TLE4: variants seen among roughly 807,000 people sequenced by gnomAD.
TLE4 encodes the protein transducin-like enhancer protein 4.
In TLE4, 8 loss-of-function variants were observed where a neutral mutation model predicts 92.8. That is an observed-to-expected ratio of 0.09 (90% CI 0.05 to 0.16). TLE4 has a LOEUF of 0.16. TLE4 is among the 10% of genes least tolerant of loss of function. TLE4 has a pLI of 1.00. For synonymous variants in TLE4, 371 were observed against 374.1 expected (o/e 0.99, Z 0.10); for missense variants, 675 against 997.6 (o/e 0.68, Z 4.36).
intron 11 of TLE4, chr9:79,707,368 A>G (rs978504374): frequency 1.5e-6 from 1 of 683,112 alleles, no homozygotes; most frequent in Non-Finnish European, 2.5e-6. Context: ...CAAATCACAA[A>G]TGCAAAAATG....
intron 8 of TLE4, among the ~76,000 whole-genome samples, chr9:79,657,866 CTAT>C (rs1276463514): frequency 6.6e-6 from 1 of 152,194 alleles, no homozygotes; most frequent in African/African-American, 2.4e-5. Flanking sequence ...AACCAAGTTG[CTAT>C]TATTGTGCAT....
intron 7 of TLE4, among the ~76,000 whole-genome samples, chr9:79,653,530 C>A (rs961659409): frequency 2.0e-5 from 3 of 152,110 alleles, no homozygotes; most frequent in African/African-American, 7.2e-5. Flanking sequence ...TAGTTGATGA[C>A]AGAAATGCAG....
At chr9:79,648,482 T>A (rs2134097684) in intron 6 of TLE4, among the ~76,000 whole-genome samples, 1 of 152,276 alleles carries the variant, frequency 6.6e-6, no homozygotes, top group East Asian at 1.9e-4. Flanking sequence ...AAACATAAGC[T>A]GAGCTGAGAT....
intron 6 of TLE4, among the ~76,000 whole-genome samples, chr9:79,649,022 T>C (rs973247376): frequency 3.3e-5 from 5 of 152,150 alleles, no homozygotes; most frequent in Non-Finnish European, 5.9e-5. Flanking sequence ...GATTTCAGTG[T>C]TCTTGAAGCA....
chr9:79,672,632 G>C (rs915096845), intron 8 of TLE4, among the ~76,000 whole-genome samples: 2 of 152,104 alleles, frequency 1.3e-5, no homozygotes, highest in African/African-American at 2.4e-5. Context: ...AAGCCTTTGT[G>C]GGGTCAGCTG....
At chr9:79,695,702 A>G (rs143549231) in intron 8 of TLE4, among the ~76,000 whole-genome samples, 103 of 152,318 alleles carry the variant, frequency 6.8e-4, no homozygotes, top group African/African-American at 2.4e-3. Context: ...CACACAAGGG[A>G]GTGTGTTAGA....
chr9:79,614,585 G>A (rs2049071617), intron 5 of TLE4, among the ~76,000 whole-genome samples: 1 of 152,136 alleles, frequency 6.6e-6, no homozygotes, highest in Non-Finnish European at 1.5e-5. Flanking sequence ...AGTCTGGGAA[G>A]AAAGGTGTCA....
intron 6 of TLE4, among the ~76,000 whole-genome samples, chr9:79,651,424 T>C (rs1587829167): frequency 6.6e-6 from 1 of 152,114 alleles, no homozygotes; most frequent in South Asian, 2.1e-4. Flanking sequence ...GCACACCCAT[T>C]CCAGCCTCTT....
At chr9:79,693,740 C>T (rs1309588236) in intron 8 of TLE4, 2 of 474,812 alleles carry the variant, frequency 4.2e-6, no homozygotes, top group Non-Finnish European at 8.3e-6. Context: ...TTAAAAAGTG[C>T]ATCATGTCCT....
intron 4 of TLE4, among the ~76,000 whole-genome samples, chr9:79,577,883 C>T (rs2038396404): frequency 1.3e-5 from 2 of 152,124 alleles, no homozygotes; most frequent in Admixed American, 1.3e-4. Flanking sequence ...TGTGAAATCC[C>T]TTAATTTTAC....
intron 8 of TLE4, among the ~76,000 whole-genome samples, chr9:79,699,986 A>C (rs2069336654): frequency 1.3e-5 from 2 of 152,150 alleles, no homozygotes; most frequent in Admixed American, 6.5e-5. Context: ...ATAAGGTTTA[A>C]AATAGAAGAT....
Position 79,706,772 on chromosome 9 carries a change from C to G in TLE4, c.809C>G (p.Pro270Arg). 6.2e-7 allele frequency: 1 copy of G among 1,614,012 alleles called. No individual in the cohort carries two copies. Among genetic ancestry groups the G allele is most frequent in the Non-Finnish European group, 8.5e-7 (1 of 1,179,984 alleles). The part of the protein sequence containing the change: ...NEDPSSPRGS[P>R]AHSPRENGLD... ...GATCCATCTTCCCCTCGAGGGAGCC[C>G]AGCACATTCCCCCAGAGAGAATGGC... The change falls in exon 11 of 20, where the codon CCA becomes CGA. Residue 270 changes from proline to arginine, a missense_variant. Physicochemically the swap from Pro to Arg is moderately radical, Grantham distance 103. This residue lies in a region of TLE4 where 280 missense variants were observed against 287.3 expected (regional missense o/e 0.97). Transcript: ENST00000376552.
At chr9:79,671,707 C>T (rs1054773122) in intron 8 of TLE4, 1 of 162,062 alleles carries the variant, frequency 6.2e-6, no homozygotes, top group African/African-American at 2.4e-5. Flanking sequence ...TGAGGAGTCT[C>T]ACAAGGCAGT....
intron 5 of TLE4, among the ~76,000 whole-genome samples, chr9:79,615,414 C>T (rs568984003): frequency 3.9e-5 from 6 of 152,090 alleles, no homozygotes; most frequent in South Asian, 2.1e-4. Flanking sequence ...ATTAAATGAT[C>T]GTATTTAGGA....
intron 8 of TLE4, among the ~76,000 whole-genome samples, chr9:79,669,972 T>C (rs17082606): frequency 0.01 from 1,577 of 152,160 alleles, 34 homozygotes; most frequent in African/African-American, 0.036. Flanking sequence ...CAGTACTAGA[T>C]GGTCAAATGG....
rs200765806 is a variant in TLE4 at position 79,627,397 on chromosome 9, T to C, written c.339T>C (p.Ala113=). 6.2e-7 allele frequency: 1 copy of C among 1,614,192 alleles called. No homozygotes were observed. The highest frequency in any genetic ancestry group is 8.5e-7 in the Non-Finnish European group (1 of 1,180,020). Residue 113 remains alanine, a synonymous_variant, in exon 6 of 20, where the codon GCT becomes GCC. Transcript: ENST00000376552. ...SQEHQQQVVQ[A]VERAKQVTMA... is the part of the protein sequence containing the mutation. ...AGCACCAGCAACAAGTGGTGCAGGC[T>C]GTGGAACGGGCCAAGCAGGTGACCA...
At chr9:79,587,585 GT>G (rs1016723790) in intron 4 of TLE4, among the ~76,000 whole-genome samples, 3 of 151,440 alleles carry the variant, frequency 2.0e-5, no homozygotes, top group Non-Finnish European at 4.4e-5. Context: ...ATACAGCCAG[GT>G]TTTTTTTTGT....
At chr9:79,719,095 G>T in intron 15 of TLE4, 124 bp downstream of exon 15, 1 of 1,382,358 alleles carries the variant, frequency 7.2e-7, no homozygotes. Context: ...TGCTCTTCAG[G>T]GGACTGCGAT....
chr9:79,679,975 T>C (rs536732037), intron 8 of TLE4, among the ~76,000 whole-genome samples: 13 of 152,102 alleles, frequency 8.5e-5, no homozygotes, highest in African/African-American at 2.9e-4. Flanking sequence ...CATTGATCTA[T>C]ATCTCTGTTT....
Sources: gnomAD v4.1 joint callset for allele counts (sites outside exome capture counted in the v4.1 genomes callset) on GRCh38, gnomAD v4.1.1 for gene constraint, gnomAD v4.1.1 regional missense constraint, MANE v1.5 for transcripts, NCBI Gene and HGNC (gene_info 2026-07-23, HGNC 2026-07-21) for gene names.